The following PLAC1 variants were observed in gnomAD, a reference collection of about 807,000 sequenced individuals.
PLAC1 encodes placenta-specific protein 1.
For synonymous variants in PLAC1, 68 were observed against 62.1 expected (o/e 1.09, Z -0.44); for missense variants, 136 against 163.2 (o/e 0.83, Z 0.91).
At chrX:134,743,108 C>G (rs992665519) in intron 1 of PLAC1, among the ~76,000 whole-genome samples, 2 of 111,281 alleles carry the variant, frequency 1.8e-5, no homozygotes, top group African/African-American at 6.5e-5. Flanking sequence ...TGTGAAATTA[C>G]AGGACAAAGA....
At chrX:134,675,953 C>A (rs1420895999) in intron 2 of PLAC1, among the ~76,000 whole-genome samples, 1 of 111,618 alleles carries the variant, frequency 9.0e-6, no homozygotes, top group African/African-American at 3.3e-5. Context: ...GAGGCTAGAA[C>A]AAAGGAGTCT....
chrX:134,648,333 T>G (rs1016976733), intron 1 of PLAC1, among the ~76,000 whole-genome samples: 1 of 110,703 alleles, frequency 9.0e-6, no homozygotes, highest in Non-Finnish European at 1.9e-5. Flanking sequence ...ATGGCTAACT[T>G]AAGATACCAT....
At chrX:134,618,480 A>G (rs774044376) in intron 1 of PLAC1, among the ~76,000 whole-genome samples, 1 of 111,656 alleles carries the variant, frequency 9.0e-6, no homozygotes, top group Non-Finnish European at 1.9e-5. Context: ...ATCATGGCTC[A>G]CTGTAGCCTC....
intron 2 of PLAC1, among the ~76,000 whole-genome samples, chrX:134,598,446 A>G (rs905640308): frequency 3.6e-5 from 4 of 112,080 alleles, no homozygotes; most frequent in Non-Finnish European, 7.5e-5. Context: ...TGATGTCTAT[A>G]TGGGAAAACA....
chrX:134,642,606 T>A (rs1022782853), intron 1 of PLAC1, among the ~76,000 whole-genome samples: 2 of 110,949 alleles, frequency 1.8e-5, no homozygotes, highest in Non-Finnish European at 3.8e-5. Flanking sequence ...CTCTGAAGTG[T>A]CAGGGAAGGC....
At chrX:134,635,237 G>C (rs768159345) in intron 1 of PLAC1, among the ~76,000 whole-genome samples, 1 of 112,052 alleles carries the variant, frequency 8.9e-6, no homozygotes, top group East Asian at 2.8e-4. Context: ...AAGCAAAAGG[G>C]AGTGTGGTGT....
At chrX:134,659,697 G>A (rs2078408410), upstream of PLAC1, among the ~76,000 whole-genome samples, 1 of 112,556 alleles carries the variant, frequency 8.9e-6, no homozygotes, top group Admixed American at 9.4e-5. Flanking sequence ...GCTGTCCTAA[G>A]TGCTTGGCTT....
chrX:134,575,927 T>G (rs923640506), intron 2 of PLAC1, among the ~76,000 whole-genome samples: 8 of 108,446 alleles, frequency 7.4e-5, no homozygotes, highest in Middle Eastern at 4.8e-3. Flanking sequence ...ATGTTAAAAA[T>G]AAATATAAAA....
At chrX:134,732,224 A>G (rs775752458) in intron 2 of PLAC1, among the ~76,000 whole-genome samples, 2 of 111,417 alleles carry the variant, frequency 1.8e-5, no homozygotes, top group Non-Finnish European at 3.8e-5. Context: ...AATTAAATCC[A>G]GCATCTGAGA....
At chrX:134,610,944 C>T (rs2078149145) in intron 1 of PLAC1, among the ~76,000 whole-genome samples, 1 of 111,521 alleles carries the variant, frequency 9.0e-6, no homozygotes, top group Non-Finnish European at 1.9e-5. Context: ...CCTCCTACCC[C>T]AGCCTTCTGA....
intron 2 of PLAC1, among the ~76,000 whole-genome samples, chrX:134,683,249 T>A (rs1451309385): frequency 9.1e-6 from 1 of 110,445 alleles, no homozygotes; most frequent in African/African-American, 3.3e-5. Context: ...TTTGGCTTAA[T>A]CTAGTGGGCC....
rs186269242 is a variant in PLAC1, at chrX:134,705,021, T to C, written n.174+28414A>G. ...AAAATTATATATATATATATATATATACACACACACACACTAATATATAAA... is the reference window on the plus strand; with the variant it reads ...AAAATTATATATATATATATATATACACACACACACACACTAATATATAAA... On this transcript the variant is annotated intron_variant and non_coding_transcript_variant, in intron 2 of 2. Transcript: ENST00000466797. Among the ~76,000 whole-genome samples the C allele has an allele frequency of 3.0e-3, 290 of 98,291 alleles. 1 individual carries two copies. The highest frequency in any genetic ancestry group is 4.3e-3 in the African/African-American group (110 of 25,464). 85.4% of individuals were successfully genotyped at this position (98,291 alleles called of 115,157 possible). A position where few individuals can be genotyped will look rare whatever the true frequency, so the allele number is the denominator to read the frequency against.
chrX:134,744,393 G>A (rs1188717747), intron 1 of PLAC1, among the ~76,000 whole-genome samples: 2 of 111,449 alleles, frequency 1.8e-5, no homozygotes, highest in Admixed American at 9.5e-5. Context: ...AAAGAATAGT[G>A]GATACCCTAG....
At chrX:134,623,247 A>C (rs924977424) in intron 1 of PLAC1, among the ~76,000 whole-genome samples, 1 of 112,123 alleles carries the variant, frequency 8.9e-6, no homozygotes, top group Non-Finnish European at 1.9e-5. Flanking sequence ...GAAAAGGGAA[A>C]GTCATCTATT....
chrX:134,669,176 T>C (rs1480846428), intron 2 of PLAC1, among the ~76,000 whole-genome samples: 2 of 112,024 alleles, frequency 1.8e-5, no homozygotes, highest in Non-Finnish European at 1.9e-5. Context: ...ATGGTCTTCC[T>C]AGTTTCATGT....
At chrX:134,599,959 G>A (rs1385903206) in intron 2 of PLAC1, among the ~76,000 whole-genome samples, 1 of 111,013 alleles carries the variant, frequency 9.0e-6, no homozygotes, top group Admixed American at 9.6e-5. Flanking sequence ...GGGATGGAGA[G>A]AAAAGGATGA....
At chrX:134,581,402 A>T (rs1172501791) in intron 2 of PLAC1, among the ~76,000 whole-genome samples, 2 of 108,854 alleles carry the variant, frequency 1.8e-5, no homozygotes, top group African/African-American at 6.7e-5. Flanking sequence ...GATTAAAACC[A>T]CTAGCTTGGG....
chrX:134,569,739 A>AGTGTGTGTGTGTGTGTGTGTGTGT (rs749953575), intron 2 of PLAC1, among the ~76,000 whole-genome samples: 3 of 72,167 alleles, frequency 4.2e-5, no homozygotes, highest in Non-Finnish European at 8.1e-5. Context: ...AGGGTAGAGT[A>AGTGTGTGTGTGTGTGTGTGTGTGT]GTGTGTGTGT....
At chrX:134,579,127 A>G (rs756827987) in intron 2 of PLAC1, among the ~76,000 whole-genome samples, 1 of 110,455 alleles carries the variant, frequency 9.1e-6, no homozygotes, top group African/African-American at 3.3e-5. Flanking sequence ...TTTAATTTGG[A>G]TATCTTTTGT....
Sources: allele counts gnomAD v4.1 joint callset (sites outside exome capture counted in the v4.1 genomes callset), GRCh38; gene constraint gnomAD v4.1.1; transcripts MANE v1.5; gene names NCBI Gene and HGNC (gene_info 2026-07-23, HGNC 2026-07-21).